Variants in SPHKAP observed in about 807,000 individuals in gnomAD.
SPHKAP encodes the protein SPHK1 interactor, AKAP domain containing.
A neutral mutation model predicts 137.5 loss-of-function variants in SPHKAP; 67 were observed. That is an observed-to-expected ratio of 0.49 (90% CI 0.40 to 0.60). The LOEUF (loss-of-function observed/expected upper bound fraction) is 0.60, where lower values mean the gene tolerates loss of function less well. Among genes scored for constraint, SPHKAP ranks in the 20% least tolerant of loss-of-function variants. The pLI is 0.00. For missense variants in SPHKAP, 2,097 were observed against 2,069.3 expected (o/e 1.01, Z -0.26); for synonymous variants, 813 against 785.3 (o/e 1.04, Z -0.59).
In SPHKAP at chr2:228,018,211, T is replaced by C; in HGVS notation, c.2643A>G (p.Pro881=). ...CACAGTTGTACTTTTCTTGGGTGTT[T>C]GGGTGGATACTCTCCTCAGCCTCCT... ...GSQEAEESIH[P]NTQEKYNCAT... Residue 881 remains proline, a synonymous_variant, in exon 7 of 12, where the codon CCA becomes CCG. Transcript: ENST00000392056. The C allele has an allele frequency of 6.2e-7, 1 of 1,614,152 alleles. No homozygotes were observed. Among genetic ancestry groups the C allele is most frequent in the Non-Finnish European group, 8.5e-7 (1 of 1,180,008 alleles).
chr2:227,997,012 G>C (rs1693662555), intron 7 of SPHKAP, among the ~76,000 whole-genome samples: 1 of 152,186 alleles, frequency 6.6e-6, no homozygotes, highest in Non-Finnish European at 1.5e-5. Flanking sequence ...TAGACCTTGT[G>C]TGCTTGCCTG....
chr2:228,068,250 A>G (rs879507565), intron 3 of SPHKAP, among the ~76,000 whole-genome samples: 1 of 152,140 alleles, frequency 6.6e-6, no homozygotes, highest in Non-Finnish European at 1.5e-5. Flanking sequence ...ATAAAAAGCC[A>G]GTTCATGTTC....
rs1261477393 is a variant in SPHKAP at position 227,980,873 on chromosome 2, C to T, written c.*844G>A. 2 of 152,098 alleles carry T rather than the reference C, an allele frequency of 1.3e-5. No homozygotes were observed. Among genetic ancestry groups the T allele is most frequent in the African/African-American group, 2.4e-5 (1 of 41,414 alleles). The allele number at this position is 152,098 out of a possible 1,614,324, so 9.4% of individuals were successfully genotyped here. On this transcript the variant is annotated 3_prime_UTR_variant, in exon 12 of 12. Transcript: ENST00000392056. ...AAGACAATAATCTCTTTATAATTTACAATAAAATAAAGTGAAAGTTTGTAT... is the reference window on the plus strand; with the variant it reads ...AAGACAATAATCTCTTTATAATTTATAATAAAATAAAGTGAAAGTTTGTAT...
chr2:227,995,668 G>A lies in SPHKAP; in HGVS notation c.4475C>T (p.Pro1492Leu). ...GGCTTCTGTGGAGGCTTCAGCCTCT[G>A]GTACATCTCTGGTATCAAGGCTGTC... ...HSDSLDTRDV[P>L]EAEASTEARA... Residue 1492 changes from proline (P) to leucine (L), a missense_variant, in exon 8 of 12, where the codon CCA becomes CTA. Coordinates refer to ENST00000392056, the MANE Select transcript of SPHKAP (RefSeq NM_001142644.2). 6.2e-7 allele frequency: 1 copy of A among 1,607,870 alleles called. No homozygotes were observed. Among genetic ancestry groups the A allele is most frequent in the Non-Finnish European group, 8.5e-7 (1 of 1,178,248 alleles).
In SPHKAP at chr2:227,981,129, G is replaced by A. The variant is rs901050742; in HGVS notation, c.*588C>T. ...TGAGATATTTATCAGTGGGCTGCAG[G>A]GAATAAATGAAATCACCTCAGTAGA... is the stretch of plus-strand genomic sequence containing the variant. On this transcript the variant is annotated 3_prime_UTR_variant, in exon 12 of 12. Coordinates refer to ENST00000392056, the MANE Select transcript of SPHKAP (RefSeq NM_001142644.2). The A allele has an allele frequency of 2.0e-5, 3 of 152,096 alleles. No individual in the cohort carries two copies. The allele number at this position is 152,096 out of a possible 1,614,324, so 9.4% of individuals were successfully genotyped here. A position where few individuals can be genotyped will look rare whatever the true frequency, so the allele number is the denominator to read the frequency against.
chr2:228,121,927 G>A (rs1698917015), intron 2 of SPHKAP, among the ~76,000 whole-genome samples: 1 of 152,086 alleles, frequency 6.6e-6, no homozygotes, highest in Admixed American at 6.6e-5. Flanking sequence ...GATGCTATGA[G>A]GACAGGTGGG....
At chr2:228,060,210 C>A (rs771315221) in intron 3 of SPHKAP, among the ~76,000 whole-genome samples, 3 of 152,092 alleles carry the variant, frequency 2.0e-5, no homozygotes, top group Non-Finnish European at 4.4e-5. Context: ...TGAATAAATT[C>A]TGTATTCAAT....
intron 11 of SPHKAP, among the ~76,000 whole-genome samples, chr2:227,987,343 A>G (rs1305988551): frequency 6.6e-6 from 1 of 152,028 alleles, no homozygotes; most frequent in African/African-American, 2.4e-5. Context: ...ATCGTATCTC[A>G]AGGTTGCTAT....
chr2:228,002,128 C>A (rs1330882531), intron 7 of SPHKAP, among the ~76,000 whole-genome samples: 3 of 152,078 alleles, frequency 2.0e-5, no homozygotes, highest in Non-Finnish European at 4.4e-5. Flanking sequence ...AGTTCTAGAT[C>A]CCTGAGGAAT....
At chr2:228,031,798 C>T (rs1389181499) in intron 3 of SPHKAP, among the ~76,000 whole-genome samples, 1 of 152,246 alleles carries the variant, frequency 6.6e-6, no homozygotes, top group Non-Finnish European at 1.5e-5. Flanking sequence ...CTCTAGCAAA[C>T]TCCAACAGAC....
At chr2:228,111,916 A>G (rs913998734) in intron 2 of SPHKAP, among the ~76,000 whole-genome samples, 12 of 152,000 alleles carry the variant, frequency 7.9e-5, no homozygotes, top group African/African-American at 2.9e-4. Context: ...ATAAAACTAC[A>G]TTTTCTTATG....
intron 3 of SPHKAP, among the ~76,000 whole-genome samples, chr2:228,078,739 C>T (rs776885425): frequency 6.6e-6 from 1 of 152,146 alleles, no homozygotes; most frequent in Non-Finnish European, 1.5e-5. Context: ...GTAGGAAGGA[C>T]AGTGTGACAT....
intron 7 of SPHKAP, among the ~76,000 whole-genome samples, chr2:228,009,438 C>T (rs781029901): frequency 6.6e-6 from 1 of 152,046 alleles, no homozygotes; most frequent in Admixed American, 6.6e-5. Flanking sequence ...ACCTTTAAAT[C>T]TTTTGGCATA....
At chr2:228,109,732 G>A (rs1698456694) in intron 2 of SPHKAP, among the ~76,000 whole-genome samples, 2 of 152,110 alleles carry the variant, frequency 1.3e-5, no homozygotes, top group South Asian at 2.1e-4. Flanking sequence ...TTGGGAGGCC[G>A]AGGTGGGTGG....
At chr2:228,034,450 T>C (rs936250682) in intron 3 of SPHKAP, among the ~76,000 whole-genome samples, 4 of 151,942 alleles carry the variant, frequency 2.6e-5, no homozygotes, top group African/African-American at 9.7e-5. Flanking sequence ...CTACCAGAGG[T>C]ACAAGGAGGA....
chr2:227,990,830 T>TA (rs1360226829), intron 11 of SPHKAP, 170 bp downstream of exon 11: 1 of 679,534 alleles, frequency 1.5e-6, no homozygotes, highest in Non-Finnish European at 2.4e-6. Context: ...ACGCTAAGTA[T>TA]ATTATATTTA....
At chr2:228,161,000 T>C (rs568518806) in intron 1 of SPHKAP, among the ~76,000 whole-genome samples, 68 of 152,328 alleles carry the variant, frequency 4.5e-4, no homozygotes, top group African/African-American at 1.5e-3. Flanking sequence ...AAAACTTAGA[T>C]GAATCTTCCT....
intron 8 of SPHKAP, among the ~76,000 whole-genome samples, chr2:227,994,442 C>T (rs1306968599): frequency 6.6e-6 from 1 of 152,188 alleles, no homozygotes; most frequent in Non-Finnish European, 1.5e-5. Context: ...TCTCCTCACA[C>T]CTTCTCTGTT....
chr2:228,018,711 C>T lies in SPHKAP; in HGVS notation c.2143G>A (p.Asp715Asn). The change falls in exon 7 of 12, where the codon GAT becomes AAT. Residue 715 changes from aspartate to asparagine, a missense_variant. Coordinates refer to ENST00000392056, the MANE Select transcript of SPHKAP (RefSeq NM_001142644.2). ...TTCTTGAACGTGAAGCATATCACAT[C>T]TAAAAGCAGTTGATTTGTACTTTCC... ...LMESTNQLLL[D>N]VICFTFKKMS... The T allele has an allele frequency of 6.2e-7, 1 of 1,614,212 alleles. No homozygotes were observed. The highest frequency in any genetic ancestry group is 8.5e-7 in the Non-Finnish European group (1 of 1,180,046).
Sources: allele counts gnomAD v4.1 joint callset (sites outside exome capture counted in the v4.1 genomes callset), GRCh38; gene constraint gnomAD v4.1.1; transcripts MANE v1.5; gene names NCBI Gene and HGNC (gene_info 2026-07-23, HGNC 2026-07-21).